ST18: variants seen among roughly 807,000 people sequenced by gnomAD.
The protein encoded by ST18 is ST18 C2H2C-type zinc finger transcription factor.
A neutral mutation model predicts 110.0 loss-of-function variants in ST18; 50 were observed. The ratio of observed to expected loss-of-function variants is 0.45; its 90% confidence interval spans 0.36 to 0.58. The LOEUF is 0.58. ST18 is among the 20% of genes least tolerant of loss of function. ST18 has a pLI of 0.00. For missense variants in ST18, 1,306 were observed against 1,280.1 expected (o/e 1.02, Z -0.31); for synonymous variants, 461 against 452.4 (o/e 1.02, Z -0.24).
chr8:52,168,692 C>T (rs540492590), intron 10 of ST18, among the ~76,000 whole-genome samples: 2 of 152,198 alleles, frequency 1.3e-5, no homozygotes, highest in African/African-American at 4.8e-5. Context: ...AAAGATAGGA[C>T]CTAAATGTGC....
Position 52,143,003 on chromosome 8 carries a change from AC to A in ST18, c.2094del (p.Lys698AsnfsTer24). On this transcript the variant is annotated frameshift_variant, in exon 17 of 26. Coordinates refer to ENST00000689386, the MANE Select transcript of ST18 (RefSeq NM_001352837.2). LOFTEE classifies it high-confidence loss of function. ...VSSLENLEEKKFPGEASIPSP... is the reference protein window; with the variant it reads ...VSSLENLEEKXFPGEASIPSP... ...CTTGGTATAGAGGCCTCTCCAGGAA[AC>A]TTTTTTTCCTCTAAATTTTCTAGAG... The A allele has an allele frequency of 6.2e-7, 1 of 1,614,068 alleles. No individual in the cohort carries two copies.
At chr8:52,232,294 G>T (rs1317800647) in intron 2 of ST18, among the ~76,000 whole-genome samples, 1 of 152,110 alleles carries the variant, frequency 6.6e-6, no homozygotes, top group African/African-American at 2.4e-5. Flanking sequence ...TGTCAAGAAA[G>T]AAACAGCAAT....
chr8:52,282,123 A>G (rs1161897176), intron 2 of ST18, among the ~76,000 whole-genome samples: 2 of 152,184 alleles, frequency 1.3e-5, no homozygotes, highest in Non-Finnish European at 2.9e-5. Flanking sequence ...AATCACATGC[A>G]ACTCATACAG....
At chr8:52,155,988 TAAAGG>T (rs1035115782) in intron 15 of ST18, among the ~76,000 whole-genome samples, 1 of 152,094 alleles carries the variant, frequency 6.6e-6, no homozygotes, top group Non-Finnish European at 1.5e-5. Context: ...GCTCATTGTG[TAAAGG>T]AAAGAACTGG....
intron 2 of ST18, among the ~76,000 whole-genome samples, chr8:52,338,184 G>A (rs1253106745): frequency 2.0e-5 from 3 of 152,010 alleles, no homozygotes; most frequent in Non-Finnish European, 2.9e-5. Flanking sequence ...TCAGCCTCCT[G>A]AGTAGCTGGG....
intron 2 of ST18, among the ~76,000 whole-genome samples, chr8:52,403,085 G>A (rs2141120338): frequency 6.6e-6 from 1 of 152,282 alleles, no homozygotes; most frequent in East Asian, 1.9e-4. Flanking sequence ...TTGGGTCCAA[G>A]TAGCTGGGGC....
intron 2 of ST18, among the ~76,000 whole-genome samples, chr8:52,383,855 C>T (rs978428256): frequency 2.6e-5 from 4 of 152,134 alleles, no homozygotes; most frequent in African/African-American, 9.7e-5. Context: ...TCATAGGATC[C>T]TCCTGCCTCA....
intron 2 of ST18, among the ~76,000 whole-genome samples, chr8:52,259,660 C>A (rs573143570): frequency 6.6e-6 from 1 of 152,102 alleles, no homozygotes; most frequent in Non-Finnish European, 1.5e-5. Context: ...TTATGCCATG[C>A]GCTGTTCTGA....
rs2040800830 is a variant in ST18, at chr8:52,112,404, T to C, written c.*794A>G. ...AAACAAACAGACAAATCTGCATCAC[T>C]AAAAAGGCTTATGTTTCTTTAAAAC... On this transcript the variant is annotated 3_prime_UTR_variant, in exon 26 of 26. Transcript: ENST00000689386. 3 of 152,622 alleles carry C rather than the reference T, an allele frequency of 2.0e-5. No individual in the cohort carries two copies. Among genetic ancestry groups the C allele is most frequent in the Non-Finnish European group, 4.4e-5 (3 of 68,028 alleles). The allele number at this position is 152,622 out of a possible 1,614,324, so 9.5% of individuals were successfully genotyped here.
intron 8 of ST18, among the ~76,000 whole-genome samples, chr8:52,181,558 C>T (rs1485565217): frequency 6.6e-6 from 1 of 152,124 alleles, no homozygotes; most frequent in Non-Finnish European, 1.5e-5. Flanking sequence ...TTAAAAATCA[C>T]CCTGATAGGT....
rs765135070 is a variant in ST18 at position 52,116,302 on chromosome 8, G to C, written c.2976C>G (p.Ser992Arg). Residue 992 changes from serine (S) to arginine (R), a missense_variant, in exon 25 of 26, where the codon AGC becomes AGG. Ser to Arg is a moderately radical substitution (Grantham distance 110). Transcript: ENST00000689386. ...TCTGTGGAAGCTGGATGTCAGCAAG[G>C]CTTGAAATGAGAGCTTGGCTTAGAC... ...LAGLSQALIS[S>R]LADIQLPQMG... 1.8e-5 allele frequency: 29 copies of C among 1,613,754 alleles called. No homozygotes were observed. In the Admixed American group the frequency reaches 2.5e-4, roughly 14 times the overall value.
chr8:52,271,487 T>A (rs1217867214), intron 2 of ST18, among the ~76,000 whole-genome samples: 1 of 152,194 alleles, frequency 6.6e-6, no homozygotes, highest in Non-Finnish European at 1.5e-5. Context: ...TCCCCAATTT[T>A]CCCTCCCTGA....
At chr8:52,305,849 G>A (rs1310260085) in intron 2 of ST18, among the ~76,000 whole-genome samples, 2 of 152,170 alleles carry the variant, frequency 1.3e-5, no homozygotes, top group East Asian at 1.9e-4. Flanking sequence ...CAGGACTCCT[G>A]GCTTGCACCA....
At chr8:52,121,613 G>A (rs1480374468) in intron 23 of ST18, among the ~76,000 whole-genome samples, 1 of 152,138 alleles carries the variant, frequency 6.6e-6, no homozygotes, top group African/African-American at 2.4e-5. Context: ...GTATGGATGG[G>A]AAGCCAAGTT....
chr8:52,186,224 A>G (rs758209828), intron 8 of ST18, among the ~76,000 whole-genome samples: 1 of 152,250 alleles, frequency 6.6e-6, no homozygotes, highest in Admixed American at 6.5e-5. Context: ...TCTTCCAAAT[A>G]AACAAGAAAA....
chr8:52,284,597 AC>A (rs573409274), intron 2 of ST18, among the ~76,000 whole-genome samples: 104 of 152,222 alleles, frequency 6.8e-4, no homozygotes, highest in African/African-American at 2.0e-3. Context: ...GAAAAACATC[AC>A]ACTCAAGGGG....
chr8:52,363,958 G>T (rs774894549), intron 2 of ST18, among the ~76,000 whole-genome samples: 8 of 152,174 alleles, frequency 5.3e-5, no homozygotes, highest in Non-Finnish European at 1.2e-4. Context: ...AAAGTCAATG[G>T]CTCAATCAAA....
chr8:52,172,597 A>C lies in ST18; in HGVS notation c.278-14T>G, dbSNP rs575420523. ...TCATGATTTCCTCTATGGAAAAAGAAAACCAATATTTGAAGAGCAAGAACA... is the reference window on the plus strand; with the variant it reads ...TCATGATTTCCTCTATGGAAAAAGACAACCAATATTTGAAGAGCAAGAACA... On this transcript the variant is annotated splice_polypyrimidine_tract_variant and intron_variant, in intron 9 of 25. Transcript: ENST00000689386. 8 of 1,540,246 alleles carry C rather than the reference A, an allele frequency of 5.2e-6. No individual in the cohort carries two copies. The East Asian group carries it at 1.8e-4, about 35-fold the overall frequency.
chr8:52,212,729 C>A (rs541681288), intron 7 of ST18, among the ~76,000 whole-genome samples: 27 of 152,208 alleles, frequency 1.8e-4, no homozygotes, highest in African/African-American at 6.5e-4. Flanking sequence ...TTGAGAGAGA[C>A]AACAGGTGGT....
Sources: allele counts gnomAD v4.1 joint callset (sites outside exome capture counted in the v4.1 genomes callset), GRCh38; gene constraint gnomAD v4.1.1; transcripts MANE v1.5; gene names NCBI Gene and HGNC (gene_info 2026-07-23, HGNC 2026-07-21).